The following ERG variants were observed in gnomAD, a reference collection of about 807,000 sequenced individuals.
ERG encodes ETS transcription factor ERG.
In ERG, 9 loss-of-function variants were observed where a neutral mutation model predicts 55.3. That is an observed-to-expected ratio of 0.16 (90% CI 0.10 to 0.28). ERG has a LOEUF of 0.28. Ranked by LOEUF, ERG falls within the 10% of genes least tolerant of loss-of-function variation. The pLI is 1.00. For missense variants in ERG, 434 were observed against 631.6 expected (o/e 0.69, Z 3.35); for synonymous variants, 223 against 237.3 (o/e 0.94, Z 0.55).
intron 4 of ERG, among the ~76,000 whole-genome samples, chr21:38,403,195 G>A (rs982543295): frequency 6.6e-6 from 1 of 152,200 alleles, no homozygotes; most frequent in African/African-American, 2.4e-5. Context: ...TAACTAATGT[G>A]TGACCAGTTA....
At chr21:38,464,198 T>C (rs747064249) in intron 1 of ERG, among the ~76,000 whole-genome samples, 27 of 152,360 alleles carry the variant, frequency 1.8e-4, no homozygotes, top group South Asian at 6.2e-4. Flanking sequence ...AGTGTAATTA[T>C]GTGTAACTGA....
intron 2 of ERG, among the ~76,000 whole-genome samples, chr21:38,511,494 A>G (rs1568869735): frequency 6.6e-6 from 1 of 152,226 alleles, no homozygotes; most frequent in Non-Finnish European, 1.5e-5. Context: ...AAAAGATAAG[A>G]CACAATCATA....
chr21:38,419,116 T>C (rs1989424109), intron 3 of ERG, among the ~76,000 whole-genome samples: 2 of 152,114 alleles, frequency 1.3e-5, no homozygotes, highest in South Asian at 4.1e-4. Flanking sequence ...GAGACTGCCC[T>C]GCCCTATGAG....
upstream of ERG, among the ~76,000 whole-genome samples, chr21:38,501,056 C>G (rs1376386876): frequency 7.5e-5 from 11 of 146,146 alleles, no homozygotes; most frequent in East Asian, 6.0e-4. Context: ...TAGGACAAGG[C>G]ACATCTTTTT....
At chr21:38,537,057 G>T (rs991527486) in intron 2 of ERG, among the ~76,000 whole-genome samples, 1 of 152,096 alleles carries the variant, frequency 6.6e-6, no homozygotes. Context: ...GAGAAAAAAA[G>T]GAGTCTTTTC....
chr21:38,477,076 G>T (rs560327708), intron 1 of ERG, among the ~76,000 whole-genome samples: 1 of 131,870 alleles, frequency 7.6e-6, no homozygotes, highest in Non-Finnish European at 1.6e-5. Context: ...GCACTGGTGC[G>T]CTCATGGCTC....
At chr21:38,388,571 G>T (rs1891746973) in intron 9 of ERG, among the ~76,000 whole-genome samples, 1 of 152,198 alleles carries the variant, frequency 6.6e-6, no homozygotes, top group South Asian at 2.1e-4. Context: ...AGACATTCTG[G>T]TTTCAGGGGA....
At chr21:38,585,367 T>C (rs376040904), upstream of ERG, among the ~76,000 whole-genome samples, 1 of 152,108 alleles carries the variant, frequency 6.6e-6, no homozygotes, top group South Asian at 2.1e-4. Flanking sequence ...ATTAAGCAAT[T>C]GTCATAGTCC....
intron 2 of ERG, among the ~76,000 whole-genome samples, chr21:38,425,061 C>T (rs554795927): frequency 9.9e-5 from 15 of 152,110 alleles, no homozygotes; most frequent in Non-Finnish European, 2.1e-4. Context: ...TTGGTGAAAT[C>T]GCATCTGATA....
intron 1 of ERG, among the ~76,000 whole-genome samples, chr21:38,452,348 C>CAT (rs886076886): frequency 6.6e-6 from 1 of 151,860 alleles, no homozygotes; most frequent in South Asian, 2.1e-4. Context: ...CATACACACA[C>CAT]ATATATACAG....
intron 2 of ERG, among the ~76,000 whole-genome samples, chr21:38,567,838 C>T (rs1340372683): frequency 2.0e-5 from 3 of 152,176 alleles, no homozygotes; most frequent in African/African-American, 4.8e-5. Flanking sequence ...GCATCTGCTT[C>T]GTGTTATTGA....
At chr21:38,451,088 T>C (rs1008242424) in intron 1 of ERG, 8 of 452,328 alleles carry the variant, frequency 1.8e-5, no homozygotes, top group Admixed American at 1.7e-4. Flanking sequence ...TTTTGGTGCC[T>C]GCTCTTGCCA....
intron 6 of ERG, chr21:38,395,343 G>A: frequency 4.4e-6 from 1 of 227,860 alleles, no homozygotes; most frequent in Non-Finnish European, 8.7e-6. Context: ...TTCTGCTCTT[G>A]ACTGCTTGAA....
chr21:38,565,340 T>C (rs747768844), intron 2 of ERG, among the ~76,000 whole-genome samples: 16 of 152,200 alleles, frequency 1.1e-4, no homozygotes, highest in Non-Finnish European at 2.4e-4. Flanking sequence ...TAAATTATAC[T>C]TCAAGAAAGC....
intron 2 of ERG, among the ~76,000 whole-genome samples, chr21:38,552,047 G>T (rs150421499): frequency 2.0e-5 from 3 of 152,260 alleles, no homozygotes; most frequent in Non-Finnish European, 4.4e-5. Flanking sequence ...TACATATCTA[G>T]AACAGTTAAG....
At chr21:38,443,297 C>A (rs2058858978) in intron 2 of ERG, among the ~76,000 whole-genome samples, 1 of 152,212 alleles carries the variant, frequency 6.6e-6, no homozygotes, top group Non-Finnish European at 1.5e-5. Flanking sequence ...CATCGGAAAT[C>A]ATCTCAGTGC....
chr21:38,494,739 G>A (rs2059365845), intron 1 of ERG, among the ~76,000 whole-genome samples: 1 of 152,224 alleles, frequency 6.6e-6, no homozygotes, highest in Non-Finnish European at 1.5e-5. Context: ...ATTTCATGGG[G>A]GAAGAAAAGC....
At chr21:38,391,156 T>A in intron 8 of ERG, 114 bp from the exon 9 acceptor site, 1 of 835,022 alleles carries the variant, frequency 1.2e-6, no homozygotes, top group Admixed American at 2.1e-5. Context: ...GCCGAAAATG[T>A]CCTCCAACTC....
intron 2 of ERG, among the ~76,000 whole-genome samples, chr21:38,560,532 C>A (rs1222369317): frequency 6.6e-6 from 1 of 152,186 alleles, no homozygotes; most frequent in African/African-American, 2.4e-5. Flanking sequence ...CTGAGGCTCT[C>A]CCTGCCCAGT....
Sources: gnomAD v4.1 joint callset for allele counts (sites outside exome capture counted in the v4.1 genomes callset) on GRCh38, gnomAD v4.1.1 for gene constraint, MANE v1.5 for transcripts, NCBI Gene and HGNC (gene_info 2026-07-23, HGNC 2026-07-21) for gene names.